Variants in MTFR1 observed in about 807,000 individuals in gnomAD.
The protein encoded by MTFR1 is chondrocyte protein with a poly-proline region.
A neutral mutation model predicts 38.8 loss-of-function variants in MTFR1; 28 were observed. That is an observed-to-expected ratio of 0.72 (90% CI 0.53 to 0.99). MTFR1 has a LOEUF of 0.99. Ranked by LOEUF, MTFR1 falls within the 50% of genes least tolerant of loss-of-function variation. The pLI, the probability that MTFR1 is intolerant of heterozygous loss-of-function variation, is 0.00. For missense variants in MTFR1, 358 were observed against 395.5 expected (o/e 0.91, Z 0.81); for synonymous variants, 145 against 137.0 (o/e 1.06, Z -0.41).
chr8:65,668,617 G>T (rs1306660612), intron 1 of MTFR1, among the ~76,000 whole-genome samples: 5 of 148,592 alleles, frequency 3.4e-5, no homozygotes, highest in Non-Finnish European at 7.4e-5. Flanking sequence ...GGCTTCAAGC[G>T]ATTCTCCTGC....
intron 3 of MTFR1, among the ~76,000 whole-genome samples, chr8:65,749,624 G>A (rs1807843240): frequency 6.6e-6 from 1 of 152,216 alleles, no homozygotes; most frequent in South Asian, 2.1e-4. Context: ...CAAGTGCTTT[G>A]TAAAAAGAAT....
intron 1 of MTFR1, among the ~76,000 whole-genome samples, chr8:65,655,950 AAAT>A (rs1379975770): frequency 3.3e-5 from 1 of 30,760 alleles, no homozygotes. Flanking sequence ...TTAAAAAAAA[AAAT>A]ATATATATAT....
chr8:65,769,696 C>G (rs992899653), intron 3 of MTFR1, among the ~76,000 whole-genome samples: 1 of 151,944 alleles, frequency 6.6e-6, no homozygotes, highest in Admixed American at 6.6e-5. Flanking sequence ...AGGAGTTTGA[C>G]ACCAGCCTGG....
chr8:65,693,627 C>T lies in MTFR1; in HGVS notation c.166-17C>T. 6.2e-7 allele frequency: 1 copy of T among 1,605,142 alleles called. No individual in the cohort carries two copies. The highest frequency in any genetic ancestry group is 1.1e-5 in the South Asian group (1 of 90,596). On this transcript the variant is annotated splice_polypyrimidine_tract_variant and intron_variant, in intron 3 of 7. Coordinates refer to ENST00000262146, the MANE Select transcript of MTFR1 (RefSeq NM_014637.4). Reference sequence around the variant, plus strand: ...TGCCATCTTTGGTGAAGAACTTTCCCTATTTATAACTTACAGATTAACAGC... The same window carrying T: ...TGCCATCTTTGGTGAAGAACTTTCCTTATTTATAACTTACAGATTAACAGC...
chr8:65,724,224 A>G (rs775371025), intron 3 of MTFR1: 1 of 1,344,752 alleles, frequency 7.4e-7, no homozygotes, highest in Non-Finnish European at 1.1e-6. Context: ...TGAACTGGAT[A>G]GATTAATTAT....
intron 3 of MTFR1, among the ~76,000 whole-genome samples, chr8:65,733,107 C>T (rs554059127): frequency 2.6e-5 from 4 of 152,274 alleles, no homozygotes; most frequent in African/African-American, 9.6e-5. Flanking sequence ...TAATTGAAGC[C>T]TTGGGTAAAG....
intron 3 of MTFR1, among the ~76,000 whole-genome samples, chr8:65,724,513 A>G (rs1031411129): frequency 6.6e-6 from 1 of 152,172 alleles, no homozygotes; most frequent in Non-Finnish European, 1.5e-5. Context: ...ATAAAATGCT[A>G]TTTCTTAATT....
At chr8:65,743,641 C>G (rs1302946518) in intron 3 of MTFR1, among the ~76,000 whole-genome samples, 1 of 152,182 alleles carries the variant, frequency 6.6e-6, no homozygotes, top group Non-Finnish European at 1.5e-5. Context: ...AAAAGACCCA[C>G]ATTGATTCTC....
chr8:65,759,635 G>C (rs1241710143), intron 3 of MTFR1, among the ~76,000 whole-genome samples: 1 of 152,192 alleles, frequency 6.6e-6, no homozygotes, highest in Non-Finnish European at 1.5e-5. Flanking sequence ...TACTTGGGTA[G>C]TTGTTTCAGT....
chr8:65,661,600 G>A (rs542895654), intron 1 of MTFR1, among the ~76,000 whole-genome samples: 3 of 152,202 alleles, frequency 2.0e-5, no homozygotes, highest in Admixed American at 2.0e-4. Context: ...CTGCACTTCA[G>A]CCTGGGTGAC....
chr8:65,725,362 T>C (rs2129065907), intron 3 of MTFR1: 1 of 155,624 alleles, frequency 6.4e-6, no homozygotes, highest in Admixed American at 6.5e-5. Context: ...GAAAGAATAA[T>C]GGCCCATTCA....
At chr8:65,701,895 T>A (rs2129058132) in intron 4 of MTFR1, among the ~76,000 whole-genome samples, 1 of 152,250 alleles carries the variant, frequency 6.6e-6, no homozygotes, top group East Asian at 1.9e-4. Flanking sequence ...CAGAGCAAGG[T>A]TTCCTACTCA....
intron 3 of MTFR1, among the ~76,000 whole-genome samples, chr8:65,770,617 C>T (rs896961276): frequency 1.3e-5 from 2 of 152,154 alleles, no homozygotes; most frequent in East Asian, 3.9e-4. Flanking sequence ...GTGAATAACA[C>T]CATAACTTAA....
intron 3 of MTFR1, among the ~76,000 whole-genome samples, chr8:65,730,167 A>G (rs1255682537): frequency 1.0e-4 from 3 of 29,172 alleles, no homozygotes; most frequent in Non-Finnish European, 2.0e-4. Flanking sequence ...CAGGTTGCGC[A>G]CTTCTTTTTT....
At chr8:65,751,745 G>C (rs572859483) in intron 3 of MTFR1, among the ~76,000 whole-genome samples, 1 of 152,302 alleles carries the variant, frequency 6.6e-6, no homozygotes, top group African/African-American at 2.4e-5. Context: ...GCCTGCCGCG[G>C]CCTCCCAAAA....
intron 3 of MTFR1, among the ~76,000 whole-genome samples, chr8:65,753,295 T>G (rs971933262): frequency 5.3e-5 from 8 of 152,230 alleles, no homozygotes; most frequent in African/African-American, 1.9e-4. Flanking sequence ...AAGGGAGGTC[T>G]TGGGAGAGAG....
chr8:65,686,656 C>T (rs1805088648), intron 3 of MTFR1, among the ~76,000 whole-genome samples: 1 of 149,632 alleles, frequency 6.7e-6, no homozygotes, highest in Admixed American at 6.7e-5. Context: ...CACGGGGTGG[C>T]TCACACCTAT....
At chr8:65,686,558 C>T (rs866347252) in intron 3 of MTFR1, among the ~76,000 whole-genome samples, 4 of 126,916 alleles carry the variant, frequency 3.2e-5, no homozygotes, top group East Asian at 2.3e-4. Flanking sequence ...CCAGCCTGGG[C>T]GAAAGAGCGA....
intron 2 of MTFR1, among the ~76,000 whole-genome samples, chr8:65,681,400 A>C (rs1371622697): frequency 6.6e-6 from 1 of 152,218 alleles, no homozygotes; most frequent in Non-Finnish European, 1.5e-5. Flanking sequence ...GATTACAGGC[A>C]GGAGCCGCCG....
Sources: allele counts gnomAD v4.1 joint callset (sites outside exome capture counted in the v4.1 genomes callset), GRCh38; gene constraint gnomAD v4.1.1; transcripts MANE v1.5; gene names NCBI Gene and HGNC (gene_info 2026-07-23, HGNC 2026-07-21).